The following KAZN variants were observed in gnomAD, a reference collection of about 807,000 sequenced individuals.
KAZN encodes the protein kazrin, periplakin interacting protein, also known as kazrin.
A neutral mutation model predicts 87.4 loss-of-function variants in KAZN; 40 were observed. The ratio of observed to expected loss-of-function variants is 0.46; its 90% confidence interval spans 0.36 to 0.60. KAZN has a LOEUF of 0.60. Among genes scored for constraint, KAZN ranks in the 20% least tolerant of loss-of-function variants. The pLI is 0.00. For synonymous variants in KAZN, 466 were observed against 458.3 expected (o/e 1.02, Z -0.22); for missense variants, 898 against 1,073.9 (o/e 0.84, Z 2.29).
chr1:14,434,460 A>G (rs1212712860), intron 2 of KAZN, among the ~76,000 whole-genome samples: 6 of 152,240 alleles, frequency 3.9e-5, no homozygotes, highest in Non-Finnish European at 7.3e-5. Context: ...ATTGGCATTC[A>G]GGGGTAGAAC....
intron 1 of KAZN, among the ~76,000 whole-genome samples, chr1:14,153,449 T>C (rs149175326): frequency 0.027 from 4,087 of 152,264 alleles, 185 homozygotes; most frequent in African/African-American, 0.093. Flanking sequence ...TTATGTCTTT[T>C]TCTCAGTGTA....
At chr1:13,902,790 TC>T (rs1639295760) in intron 1 of KAZN, among the ~76,000 whole-genome samples, 1 of 152,206 alleles carries the variant, frequency 6.6e-6, no homozygotes, top group African/African-American at 2.4e-5. Flanking sequence ...TAATGAAATA[TC>T]ACATGCACCC....
intron 8 of KAZN, among the ~76,000 whole-genome samples, chr1:15,078,726 G>A (rs889686006): frequency 5.9e-5 from 9 of 152,266 alleles, no homozygotes; most frequent in African/African-American, 1.9e-4. Context: ...GGTCTGCAGC[G>A]CGCATGCTGT....
At chr1:14,418,067 C>CTA (rs1375389517) in intron 2 of KAZN, among the ~76,000 whole-genome samples, 1 of 129,400 alleles carries the variant, frequency 7.7e-6, no homozygotes, top group Non-Finnish European at 1.6e-5. Context: ...GATTTGCCAT[C>CTA]TCTAGACATG....
chr1:13,897,223 C>T (rs1032401631), intron 1 of KAZN, among the ~76,000 whole-genome samples: 1 of 152,086 alleles, frequency 6.6e-6, no homozygotes, highest in Non-Finnish European at 1.5e-5. Context: ...ATGAGTGAAA[C>T]CATGCGAACC....
At chr1:14,418,996 C>T (rs1216719676) in intron 2 of KAZN, among the ~76,000 whole-genome samples, 5 of 152,132 alleles carry the variant, frequency 3.3e-5, no homozygotes, top group East Asian at 1.9e-4. Flanking sequence ...GCCTGCCATT[C>T]GGATACAACT....
At chr1:13,968,805 TCTAC>T (rs2101043602) in intron 1 of KAZN, among the ~76,000 whole-genome samples, 1 of 127,750 alleles carries the variant, frequency 7.8e-6, no homozygotes, top group Non-Finnish European at 1.7e-5. Flanking sequence ...CATTTGAACA[TCTAC>T]TCTACATTCT....
At chr1:14,683,673 C>G (rs1208902933) in intron 1 of KAZN, among the ~76,000 whole-genome samples, 1 of 152,208 alleles carries the variant, frequency 6.6e-6, no homozygotes, top group Admixed American at 6.5e-5. Flanking sequence ...ATCTTCTCCC[C>G]AGCTCCCAGC....
intron 1 of KAZN, among the ~76,000 whole-genome samples, chr1:14,677,357 G>A (rs1269279710): frequency 6.6e-6 from 1 of 152,096 alleles, no homozygotes; most frequent in Non-Finnish European, 1.5e-5. Context: ...GGACTTCACT[G>A]GTGATACCCA....
At chr1:14,620,671 G>T (rs1678624611) in intron 1 of KAZN, among the ~76,000 whole-genome samples, 1 of 152,146 alleles carries the variant, frequency 6.6e-6, no homozygotes. Flanking sequence ...ACCACAGTGG[G>T]CAAGAGGCCT....
At chr1:14,633,471 G>T (rs547194281) in intron 1 of KAZN, among the ~76,000 whole-genome samples, 4 of 152,272 alleles carry the variant, frequency 2.6e-5, no homozygotes, top group African/African-American at 7.2e-5. Flanking sequence ...TCTAGAAGCC[G>T]GGAAAGGCAA....
rs56725513 is a variant in KAZN, at chr1:14,986,002, C to CAAAA, written c.418+25146_418+25149dup. Among the ~76,000 whole-genome samples the CAAAA allele has an allele frequency of 7.2e-4, 41 of 56,712 alleles. 1 individual carries two copies. The highest frequency in any genetic ancestry group is 9.6e-4 in the Non-Finnish European group (28 of 29,240). 37.2% of individuals were successfully genotyped at this position (56,712 alleles called of 152,430 possible). A position where few individuals can be genotyped will look rare whatever the true frequency, so the allele number is the denominator to read the frequency against. On this transcript the variant is annotated intron_variant, in intron 2 of 14. Coordinates refer to ENST00000376030, the MANE Select transcript of KAZN (RefSeq NM_201628.3). ...TGGGCGACAGAGCCAGACTCTGTCT[C>CAAAA]AAAAAAAAAAAAAAAAAAAAAAGGA...
At chr1:15,031,849 A>T (rs13374758) in intron 2 of KAZN, among the ~76,000 whole-genome samples, 1 of 152,054 alleles carries the variant, frequency 6.6e-6, no homozygotes, top group Admixed American at 6.5e-5. Context: ...GGACTCAAGC[A>T]ATCCTCCTGG....
intron 2 of KAZN, among the ~76,000 whole-genome samples, chr1:14,426,965 A>G (rs1010765228): frequency 6.6e-6 from 1 of 152,216 alleles, no homozygotes; most frequent in Non-Finnish European, 1.5e-5. Flanking sequence ...ACTGTACACC[A>G]GGCACAGAGC....
intron 1 of KAZN, among the ~76,000 whole-genome samples, chr1:14,916,961 G>A (rs965579958): frequency 1.3e-5 from 2 of 152,058 alleles, no homozygotes; most frequent in African/African-American, 4.8e-5. Context: ...CAACAAGCAG[G>A]GCATGAAGGC....
chr1:14,932,500 TGCA>T (rs1659958607), intron 1 of KAZN, among the ~76,000 whole-genome samples: 1 of 152,184 alleles, frequency 6.6e-6, no homozygotes, highest in Non-Finnish European at 1.5e-5. Flanking sequence ...TGGGCTTAAA[TGCA>T]GCTAGTACGA....
intron 1 of KAZN, among the ~76,000 whole-genome samples, chr1:14,001,789 G>T (rs1639803988): frequency 6.6e-6 from 1 of 152,156 alleles, no homozygotes; most frequent in Admixed American, 6.5e-5. Flanking sequence ...CAGAAAACTG[G>T]CTAGCCATAT....
chr1:14,485,786 A>G (rs1273925734), intron 2 of KAZN, among the ~76,000 whole-genome samples: 1 of 151,434 alleles, frequency 6.6e-6, no homozygotes, highest in Non-Finnish European at 1.5e-5. Flanking sequence ...CCGGCTACTT[A>G]GGAGGCTGAG....
At chr1:14,991,059 G>A (rs1667303261) in intron 2 of KAZN, among the ~76,000 whole-genome samples, 1 of 151,590 alleles carries the variant, frequency 6.6e-6, no homozygotes, top group African/African-American at 2.4e-5. Context: ...GCCTCAGAAA[G>A]AACCAACCCT....
Sources: gnomAD v4.1 joint callset for allele counts (sites outside exome capture counted in the v4.1 genomes callset) on GRCh38, gnomAD v4.1.1 for gene constraint, MANE v1.5 for transcripts, NCBI Gene and HGNC (gene_info 2026-07-23, HGNC 2026-07-21) for gene names.